The following PPA1 variants were observed in gnomAD, a reference collection of about 807,000 sequenced individuals.
PPA1 encodes inorganic pyrophosphatase.
Under a neutral mutation model 41.8 loss-of-function variants are expected in PPA1, and 23 were observed. That is an observed-to-expected ratio of 0.55 (90% CI 0.40 to 0.78). PPA1 has a LOEUF of 0.78. Among genes scored for constraint, PPA1 ranks in the 30% least tolerant of loss-of-function variants. The pLI, the probability that PPA1 is intolerant of heterozygous loss-of-function variation, is 0.00. For synonymous variants in PPA1, 101 were observed against 116.8 expected (o/e 0.86, Z 0.87); for missense variants, 320 against 361.6 (o/e 0.89, Z 0.93).
In PPA1 at chr10:70,209,199, A is replaced by C. The variant is rs755047561; in HGVS notation, c.725+6T>G. On this transcript the variant is annotated splice_donor_region_variant and intron_variant, in intron 8 of 10. Transcript: ENST00000373232. ...TGTGTTAAACATGCAAAGTGTTTACACTTACCAACTGATTCCTTTTCCATT... is the reference window on the plus strand; with the variant it reads ...TGTGTTAAACATGCAAAGTGTTTACCCTTACCAACTGATTCCTTTTCCATT... 1 of 1,572,020 alleles carries C rather than the reference A, an allele frequency of 6.4e-7. No homozygotes were observed. The highest frequency in any genetic ancestry group is 1.1e-5 in the South Asian group (1 of 90,130).
Position 70,214,494 on chromosome 10 carries a change from C to T in PPA1, c.384+6G>A, listed in dbSNP as rs202156822. 18 of 1,608,252 alleles carry T rather than the reference C, an allele frequency of 1.1e-5. No individual in the cohort carries two copies. The highest frequency in any genetic ancestry group is 1.7e-5 in the Admixed American group (1 of 59,476). On this transcript the variant is annotated splice_donor_region_variant and intron_variant, in intron 5 of 10. Transcript: ENST00000373232. ...CACTAAAGAAAAAAATGTCACATTTCATTACCTTGCTTCCAATTTCACACA... is the reference window on the plus strand; with the variant it reads ...CACTAAAGAAAAAAATGTCACATTTTATTACCTTGCTTCCAATTTCACACA...
chr10:70,220,846 T>TTATATATATAATTCTTATATATAG (rs1840145950), intron 2 of PPA1, among the ~76,000 whole-genome samples: 1 of 39,872 alleles, frequency 2.5e-5, no homozygotes, highest in African/African-American at 1.5e-4. Context: ...TTTATATATA[T>TTATATATATAATTCTTATATATAG]TATATATATA....
At chr10:70,229,092 G>A (rs1410816874) in intron 2 of PPA1, among the ~76,000 whole-genome samples, 1 of 152,188 alleles carries the variant, frequency 6.6e-6, no homozygotes, top group Non-Finnish European at 1.5e-5. Flanking sequence ...ATTTGTCCTT[G>A]TGTTAAGTTG....
At chr10:70,227,612 C>CT (rs1840243934) in intron 2 of PPA1, among the ~76,000 whole-genome samples, 1 of 141,126 alleles carries the variant, frequency 7.1e-6, no homozygotes, top group Admixed American at 8.0e-5. Flanking sequence ...GATCATGCCA[C>CT]TGCACACCAG....
intron 2 of PPA1, 64 bp downstream of exon 2, chr10:70,230,277 A>C: frequency 6.4e-7 from 1 of 1,550,960 alleles, no homozygotes; most frequent in Non-Finnish European, 8.9e-7. Flanking sequence ...CATATAAGAA[A>C]ATTCATATGT....
At position 70,218,036 on chromosome 10, in the gene PPA1, T is replaced by C. The variant is rs1840098698; in HGVS notation, c.178-105A>G. On this transcript the variant is annotated intron_variant, in intron 3 of 10. Transcript: ENST00000373232. ...GGTACCTATGTTCCCTAATTCCACT[T>C]TAATGATATATTTTATCCCTAACAC... The C allele has an allele frequency of 1.2e-5, 13 of 1,058,288 alleles. No homozygotes were observed. In the South Asian group the frequency reaches 3.0e-4, roughly 25 times the overall value. 65.6% of individuals were successfully genotyped at this position (1,058,288 alleles called of 1,614,324 possible). A position where few individuals can be genotyped will look rare whatever the true frequency, so the allele number is the denominator to read the frequency against.
intron 1 of PPA1, 70 bp downstream of exon 1, chr10:70,233,194 C>G: frequency 6.7e-7 from 1 of 1,495,086 alleles, no homozygotes; most frequent in Non-Finnish European, 8.9e-7. Flanking sequence ...GCCGCACCCT[C>G]CCGGGGAGGC....
chr10:70,218,547 T>C (rs566543012), intron 3 of PPA1: 3 of 517,326 alleles, frequency 5.8e-6, no homozygotes, highest in Non-Finnish European at 6.8e-6. Context: ...GAAGCAAAGA[T>C]GTTGGGAAGA....
intron 6 of PPA1, among the ~76,000 whole-genome samples, chr10:70,213,143 A>G (rs773830678): frequency 2.2e-4 from 34 of 152,208 alleles, no homozygotes; most frequent in Non-Finnish European, 4.1e-4. Context: ...TACATTTTAC[A>G]ATGGTGACTC....
In PPA1 at chr10:70,209,225, C is replaced by A. The variant is rs757175798; in HGVS notation, c.705G>T (p.Thr235=). The change falls in exon 8 of 11, where the codon ACG becomes ACT. Residue 235 remains threonine (T), a synonymous_variant. Transcript: ENST00000373232. Reference sequence around the variant, plus strand: ...CTTACCAACTGATTCCTTTTCCATTCGTTTTCTTAGTCACTAATGCTTTCC... The same window carrying A: ...CTTACCAACTGATTCCTTTTCCATTAGTTTTCTTAGTCACTAATGCTTTCC... ...DHWKALVTKK[T]NGKGISCMNT... is the part of the protein sequence containing the mutation. 1.9e-6 allele frequency: 3 copies of A among 1,598,764 alleles called. No homozygotes were observed. The highest frequency in any genetic ancestry group is 8.6e-7 in the Non-Finnish European group (1 of 1,166,316).
intron 8 of PPA1, among the ~76,000 whole-genome samples, chr10:70,206,978 T>C (rs1029934475): frequency 6.7e-6 from 1 of 150,334 alleles, no homozygotes; most frequent in African/African-American, 2.5e-5. Flanking sequence ...GAGAAACATA[T>C]CTTTCTTAAT....
chr10:70,223,727 C>T (rs1372001957), intron 2 of PPA1, among the ~76,000 whole-genome samples: 1 of 152,166 alleles, frequency 6.6e-6, no homozygotes, highest in Non-Finnish European at 1.5e-5. Flanking sequence ...TGTTTTTATG[C>T]ATTCTAATGA....
intron 10 of PPA1, chr10:70,203,534 G>A (rs952841333): frequency 4.7e-6 from 1 of 213,400 alleles, no homozygotes; most frequent in African/African-American, 2.4e-5. Context: ...CTCCCCAGCA[G>A]CTGGTATTAC....
At position 70,203,259 on chromosome 10, in the gene PPA1, G is replaced by C. The variant is rs568466242; in HGVS notation, c.839-73C>G. 3.9e-6 allele frequency: 5 copies of C among 1,285,384 alleles called. No individual in the cohort carries two copies. The East Asian group carries it at 1.2e-4, about 30-fold the overall frequency. 79.6% of individuals were successfully genotyped at this position (1,285,384 alleles called of 1,614,324 possible). A position where few individuals can be genotyped will look rare whatever the true frequency, so the allele number is the denominator to read the frequency against. On this transcript the variant is annotated intron_variant, in intron 10 of 10. Coordinates refer to ENST00000373232, the MANE Select transcript of PPA1 (RefSeq NM_021129.4). ...AAAAATACACCTAACATATAACAAA[G>C]ACTAATATACTTGCTTTAATGAATC...
intron 9 of PPA1, chr10:70,206,030 T>G: frequency 2.0e-6 from 1 of 498,220 alleles, no homozygotes; most frequent in South Asian, 2.7e-5. Context: ...TTTACAAATC[T>G]TACTACCATG....
At chr10:70,205,407 T>C (rs936219062) in intron 9 of PPA1, 3 of 152,054 alleles carry the variant, frequency 2.0e-5, no homozygotes, top group Admixed American at 1.3e-4. Context: ...GCCTCTTGAC[T>C]TTTTATGACA....
intron 4 of PPA1, 151 bp from the exon 5 acceptor site, chr10:70,214,737 A>C (rs1308665093): frequency 1.0e-5 from 6 of 598,522 alleles, no homozygotes; most frequent in Non-Finnish European, 1.4e-5. Flanking sequence ...ACTACACACA[A>C]GAGTTTCAAT....
intron 2 of PPA1, among the ~76,000 whole-genome samples, chr10:70,227,552 G>A (rs1274092976): frequency 1.3e-5 from 2 of 151,406 alleles, no homozygotes; most frequent in African/African-American, 2.4e-5. Context: ...TCAGGAGGCT[G>A]GAGCAGGAGG....
chr10:70,221,934 A>C (rs1272529050), intron 2 of PPA1, among the ~76,000 whole-genome samples: 1 of 152,208 alleles, frequency 6.6e-6, no homozygotes, highest in Admixed American at 6.5e-5. Flanking sequence ...ATAAATCTAC[A>C]TAATTAATGG....
Sources: allele counts gnomAD v4.1 joint callset (sites outside exome capture counted in the v4.1 genomes callset), GRCh38; gene constraint gnomAD v4.1.1; transcripts MANE v1.5; gene names NCBI Gene and HGNC (gene_info 2026-07-23, HGNC 2026-07-21).